The following SLC18A2 variants were observed in gnomAD, a reference collection of about 807,000 sequenced individuals.
SLC18A2 encodes the protein synaptic vesicular amine transporter.
In SLC18A2, 33 loss-of-function variants were observed where a neutral mutation model predicts 59.2. The ratio of observed to expected loss-of-function variants is 0.56; its 90% confidence interval spans 0.42 to 0.75. The LOEUF (loss-of-function observed/expected upper bound fraction) is 0.75. Among genes scored for constraint, SLC18A2 ranks in the 30% least tolerant of loss-of-function variants. SLC18A2 has a pLI of 0.00. For missense variants in SLC18A2, 569 were observed against 668.6 expected, an observed-to-expected ratio of 0.85 and a Z score of 1.64; for synonymous variants, 228 against 253.5, an observed-to-expected ratio of 0.90 and a Z score of 0.95.
At position 117,257,788 on chromosome 10, in the gene SLC18A2, C is replaced by G. The variant is rs765480546; in HGVS notation, c.896-9C>G. ...AGAAGCCACTACAAAGCCCTTTCCT[C>G]CCTTACAGGCTCCATCTGCTTTGCA... On this transcript the variant is annotated splice_polypyrimidine_tract_variant and intron_variant, in intron 9 of 15. Coordinates refer to ENST00000644641, the MANE Select transcript of SLC18A2 (RefSeq NM_003054.6). 6.3e-7 allele frequency: 1 copy of G among 1,588,752 alleles called. No homozygotes were observed. Among genetic ancestry groups the G allele is most frequent in the Non-Finnish European group, 8.6e-7 (1 of 1,165,722 alleles).
intron 10 of SLC18A2, among the ~76,000 whole-genome samples, chr10:117,259,985 G>T (rs922051014): frequency 6.6e-6 from 1 of 152,206 alleles, no homozygotes; most frequent in South Asian, 2.1e-4. Flanking sequence ...CTAATTTCTT[G>T]TCTTTCCCCT....
Position 117,279,426 on chromosome 10 carries a change from C to G in SLC18A2, c.*2160C>G, listed in dbSNP as rs909328483. ...AAGTTTACTTAATAAATCTTCTGAA[C>G]CATGTTTTGTGCCTGTTTGTATTCC... On this transcript the variant is annotated 3_prime_UTR_variant, in exon 16 of 16. Coordinates refer to ENST00000644641, the MANE Select transcript of SLC18A2 (RefSeq NM_003054.6). The G allele has an allele frequency of 2.6e-5, 4 of 152,146 alleles. No individual in the cohort carries two copies. The highest frequency in any genetic ancestry group is 2.6e-4 in the Admixed American group (4 of 15,286). 9.4% of individuals were successfully genotyped at this position (152,146 alleles called of 1,614,324 possible).
intron 3 of SLC18A2, among the ~76,000 whole-genome samples, chr10:117,244,860 T>C (rs1247337152): frequency 6.6e-6 from 1 of 152,260 alleles, no homozygotes; most frequent in African/African-American, 2.4e-5. Context: ...TCATGGGCTG[T>C]GTTCTTCCCT....
At chr10:117,256,487 G>A (rs1844232430) in intron 9 of SLC18A2, among the ~76,000 whole-genome samples, 1 of 152,214 alleles carries the variant, frequency 6.6e-6, no homozygotes, top group African/African-American at 2.4e-5. Context: ...GGTTAGACTT[G>A]TCTAAGCACG....
rs363415 is a variant in SLC18A2 at position 117,254,534 on chromosome 10, G to A, written c.700+37G>A. 3,088 of 1,489,336 alleles carry A rather than the reference G, an allele frequency of 2.1e-3. 40 individuals are homozygous for A. The African/African-American group carries it at 0.025, about 12-fold the overall frequency. 92.3% of individuals were successfully genotyped at this position (1,489,336 alleles called of 1,614,324 possible). On this transcript the variant is annotated intron_variant, in intron 6 of 15. Transcript: ENST00000644641. ...CCCCGTGTAGGCAAACTGGCAAGAG[G>A]GGCCTGCCTGGTGCTGGACAGCGGC...
chr10:117,255,934 G>A (rs1308474459), intron 9 of SLC18A2, among the ~76,000 whole-genome samples: 3 of 152,180 alleles, frequency 2.0e-5, no homozygotes, highest in Non-Finnish European at 4.4e-5. Flanking sequence ...GGGGATGCCC[G>A]GCTGGGTTTG....
In SLC18A2 at chr10:117,279,133, T is replaced by C. The variant is rs902138048; in HGVS notation, c.*1867T>C. On this transcript the variant is annotated 3_prime_UTR_variant, in exon 16 of 16. Coordinates refer to ENST00000644641, the MANE Select transcript of SLC18A2 (RefSeq NM_003054.6). ...AAAATATAAATAAAACCTTCAGAAC[T>C]GTTTTGGAGCAAAAGATAGCTTGTA... 1 of 152,240 alleles carries C rather than the reference T, an allele frequency of 6.6e-6. No individual in the cohort carries two copies. The highest frequency in any genetic ancestry group is 1.5e-5 in the Non-Finnish European group (1 of 68,046). 9.4% of individuals were successfully genotyped at this position (152,240 alleles called of 1,614,324 possible). A position where few individuals can be genotyped will look rare whatever the true frequency, so the allele number is the denominator to read the frequency against.
At position 117,267,675 on chromosome 10, in the gene SLC18A2, T is replaced by C; in HGVS notation, c.1125T>C (p.Ile375=). 1 of 1,563,010 alleles carries C rather than the reference T, an allele frequency of 6.4e-7. No homozygotes were observed. The highest frequency in any genetic ancestry group is 1.8e-4 in the Middle Eastern group (1 of 5,682). The part of the protein sequence containing the change: ...MIIVGVSILC[I]PFAKNIYGLI... ...ATAATGTTTATTTCCTCTTACAGAT[T>C]CCATTTGCAAAAAACATTTATGGAC... The change falls in exon 13 of 16, where the codon ATT becomes ATC. Residue 375 remains isoleucine, a splice_region_variant and synonymous_variant. Coordinates refer to ENST00000644641, the MANE Select transcript of SLC18A2 (RefSeq NM_003054.6).
intron 3 of SLC18A2, among the ~76,000 whole-genome samples, chr10:117,250,180 G>C (rs929150651): frequency 6.6e-6 from 1 of 152,184 alleles, no homozygotes; most frequent in African/African-American, 2.4e-5. Flanking sequence ...AGTCTTCTTT[G>C]CCTTGAAGCC....
chr10:117,265,812 G>A (rs1183941210), intron 10 of SLC18A2, among the ~76,000 whole-genome samples: 5 of 152,146 alleles, frequency 3.3e-5, no homozygotes, highest in African/African-American at 7.2e-5. Flanking sequence ...ATAGGAGGCC[G>A]GACGTGGTGG....
intron 12 of SLC18A2, 53 bp downstream of exon 12, chr10:117,267,088 C>CCCAAA: frequency 1.4e-6 from 2 of 1,396,894 alleles, no homozygotes; most frequent in Non-Finnish European, 2.0e-6. Context: ...ATAAAACTTG[C>CCCAAA]GCTTTGGGCA....
chr10:117,262,706 G>A (rs541150295), intron 10 of SLC18A2, among the ~76,000 whole-genome samples: 1 of 152,178 alleles, frequency 6.6e-6, no homozygotes, highest in African/African-American at 2.4e-5. Flanking sequence ...GTCTCGTCCT[G>A]TTGCCCAGGC....
rs201959046 is a variant in SLC18A2 at position 117,244,305 on chromosome 10, G to A, written c.456G>A (p.Leu152=). The A allele has an allele frequency of 1.4e-5, 23 of 1,613,448 alleles. No individual in the cohort carries two copies. The East Asian group carries it at 4.0e-4, about 28-fold the overall frequency. ...QLITNPFIGL[L]TNRIGYPIPI... ...TCACCAACCCTTTCATAGGACTACT[G>A]ACCAACAGGTAGGGCAGACTACTTT... Residue 152 remains leucine, a synonymous_variant, in exon 3 of 16, where the codon CTG becomes CTA. Coordinates refer to ENST00000644641, the MANE Select transcript of SLC18A2 (RefSeq NM_003054.6).
Position 117,274,127 on chromosome 10 carries a change from C to A in SLC18A2, c.1441-3035C>A, listed in dbSNP as rs1418373453. Among the ~76,000 whole-genome samples, 3 of 152,212 alleles carry A rather than the reference C, an allele frequency of 2.0e-5. No homozygotes were observed. The East Asian group carries it at 5.8e-4, about 29-fold the overall frequency. ...GCCTTTCTTCATGGCACTTTTGAAA[C>A]ATTACATGCCACCTGGCTTATTTGT... On this transcript the variant is annotated intron_variant, in intron 15 of 15. Coordinates refer to ENST00000644641, the MANE Select transcript of SLC18A2 (RefSeq NM_003054.6).
At chr10:117,247,676 T>C (rs891460857) in intron 3 of SLC18A2, among the ~76,000 whole-genome samples, 17 of 152,234 alleles carry the variant, frequency 1.1e-4, no homozygotes, top group African/African-American at 4.1e-4. Flanking sequence ...ATCAGCCTGA[T>C]TCCTGTGGAC....
chr10:117,267,647 A>G (rs3026064), intron 12 of SLC18A2, 26 bp from the exon 13 acceptor site: 1 of 1,514,932 alleles, frequency 6.6e-7, no homozygotes, highest in Non-Finnish European at 9.1e-7. Context: ...TTGTTATTTT[A>G]GCATAATGTT....
chr10:117,263,116 A>G (rs985955957), intron 10 of SLC18A2, among the ~76,000 whole-genome samples: 1 of 152,134 alleles, frequency 6.6e-6, no homozygotes, highest in African/African-American at 2.4e-5. Context: ...CCCCAGAGAT[A>G]GACATGTCTG....
intron 10 of SLC18A2, among the ~76,000 whole-genome samples, chr10:117,263,789 G>A (rs1844319943): frequency 6.6e-6 from 1 of 152,194 alleles, no homozygotes; most frequent in African/African-American, 2.4e-5. Context: ...GCACACTCTT[G>A]TCTTCTGGTT....
At chr10:117,267,390 A>G (rs1227416600) in intron 12 of SLC18A2, 8 of 447,520 alleles carry the variant, frequency 1.8e-5, no homozygotes, top group African/African-American at 1.6e-4. Flanking sequence ...TCCATCCCTC[A>G]TGAGGCCTAC....
Sources: allele counts gnomAD v4.1 joint callset (sites outside exome capture counted in the v4.1 genomes callset), GRCh38; gene constraint gnomAD v4.1.1; transcripts MANE v1.5; gene names NCBI Gene and HGNC (gene_info 2026-07-23, HGNC 2026-07-21).